The following ZNF385D variants were observed in gnomAD, a reference collection of about 807,000 sequenced individuals.
ZNF385D encodes the protein zinc finger protein 385D.
ZNF385D carries 15 observed loss-of-function variants against 35.8 expected under a neutral mutation model. That is an observed-to-expected ratio of 0.42 (90% CI 0.28 to 0.64). The LOEUF is 0.64. ZNF385D is among the 30% of genes least tolerant of loss of function. The probability of loss-of-function intolerance (pLI) is 0.23; values close to 1 mark genes in which losing one functional copy is unlikely to be tolerated. For missense variants in ZNF385D, 474 were observed against 494.6 expected (o/e 0.96, Z 0.39); for synonymous variants, 212 against 186.8 (o/e 1.13, Z -1.10).
At chr3:21,437,664 TA>T (rs1701628507) in intron 4 of ZNF385D, among the ~76,000 whole-genome samples, 1 of 107,780 alleles carries the variant, frequency 9.3e-6, no homozygotes, top group African/African-American at 3.7e-5. Context: ...TTTTTTTAAT[TA>T]AAAAACAGGT....
intron 2 of ZNF385D, among the ~76,000 whole-genome samples, chr3:21,610,777 C>CA (rs376368993): frequency 0.22 from 32,076 of 147,992 alleles, 3,592 homozygotes; most frequent in South Asian, 0.28. Context: ...TCCGTCCCCC[C>CA]CAAAAAAAAA....
intron 3 of ZNF385D, among the ~76,000 whole-genome samples, chr3:21,814,219 C>A (rs2073053015): frequency 6.6e-6 from 1 of 152,190 alleles, no homozygotes; most frequent in African/African-American, 2.4e-5. Flanking sequence ...TGGAAAGGAA[C>A]AACTGGTACC....
chr3:22,142,607 C>T (rs958383856), intron 3 of ZNF385D, among the ~76,000 whole-genome samples: 3 of 152,020 alleles, frequency 2.0e-5, no homozygotes, highest in South Asian at 2.1e-4. Flanking sequence ...GAAACATATC[C>T]GCACAGATTG....
At chr3:22,296,152 G>A (rs183876673) in intron 2 of ZNF385D, among the ~76,000 whole-genome samples, 1 of 152,136 alleles carries the variant, frequency 6.6e-6, no homozygotes, top group Non-Finnish European at 1.5e-5. Context: ...ACTCACTCCA[G>A]ATAACACTTT....
chr3:21,568,936 T>C (rs1220395344), intron 2 of ZNF385D, among the ~76,000 whole-genome samples: 4 of 152,182 alleles, frequency 2.6e-5, no homozygotes, highest in African/African-American at 9.7e-5. Context: ...AAAATCTGCA[T>C]GGTATTTTAG....
chr3:22,202,444 A>T (rs1696860385), intron 2 of ZNF385D, among the ~76,000 whole-genome samples: 6 of 152,058 alleles, frequency 3.9e-5, no homozygotes, highest in Admixed American at 3.9e-4. Context: ...GGAGGTGAGT[A>T]ACAACAGGGT....
chr3:21,849,676 A>G (rs1311203954), intron 3 of ZNF385D: 2 of 141,584 alleles, frequency 1.4e-5, no homozygotes, highest in South Asian at 2.2e-4. Context: ...AATCACTCTC[A>G]TATCTTCTAA....
chr3:21,969,907 T>C (rs1205521324), intron 3 of ZNF385D, among the ~76,000 whole-genome samples: 1 of 151,980 alleles, frequency 6.6e-6, no homozygotes. Context: ...AGAACAAGAG[T>C]CTCTGCCTGG....
chr3:22,287,054 C>T (rs1702061274), intron 2 of ZNF385D, among the ~76,000 whole-genome samples: 1 of 151,966 alleles, frequency 6.6e-6, no homozygotes, highest in East Asian at 1.9e-4. Flanking sequence ...TTTATGTGCT[C>T]TGATGTTGGG....
At chr3:21,991,332 A>T (rs1161818237) in intron 3 of ZNF385D, among the ~76,000 whole-genome samples, 2 of 152,192 alleles carry the variant, frequency 1.3e-5, no homozygotes, top group Non-Finnish European at 2.9e-5. Context: ...CTAAAACAAG[A>T]GCCAAAATCA....
At chr3:21,866,142 T>C (rs1047278797) in intron 3 of ZNF385D, among the ~76,000 whole-genome samples, 2 of 151,866 alleles carry the variant, frequency 1.3e-5, no homozygotes, top group South Asian at 2.1e-4. Flanking sequence ...ATTTTGATTT[T>C]ATAAATCTGG....
chr3:21,655,780 A>T (rs2125233496), intron 2 of ZNF385D, among the ~76,000 whole-genome samples: 1 of 152,198 alleles, frequency 6.6e-6, no homozygotes, highest in Admixed American at 6.5e-5. Context: ...AAGGAATCTG[A>T]AATCTAGCCA....
chr3:21,970,344 T>G (rs1334719182), intron 3 of ZNF385D, among the ~76,000 whole-genome samples: 1 of 152,062 alleles, frequency 6.6e-6, no homozygotes, highest in Non-Finnish European at 1.5e-5. Context: ...AGAATCCTAT[T>G]AGATAAACTT....
chr3:22,224,524 T>C (rs903206456), intron 2 of ZNF385D, among the ~76,000 whole-genome samples: 4 of 152,124 alleles, frequency 2.6e-5, no homozygotes, highest in Non-Finnish European at 5.9e-5. Flanking sequence ...ACAGTGTATA[T>C]TAAACAAAAC....
chr3:22,351,439 T>C (rs1695911959), intron 2 of ZNF385D, among the ~76,000 whole-genome samples: 1 of 152,072 alleles, frequency 6.6e-6, no homozygotes, highest in South Asian at 2.1e-4. Flanking sequence ...TAATAAAAGT[T>C]AACAAGCATA....
intron 3 of ZNF385D, among the ~76,000 whole-genome samples, chr3:21,518,869 AT>A (rs1279042157): frequency 4.6e-5 from 7 of 152,204 alleles, no homozygotes; most frequent in Non-Finnish European, 8.8e-5. Flanking sequence ...AGATATATTT[AT>A]TTCTTAATTA....
intron 3 of ZNF385D, among the ~76,000 whole-genome samples, chr3:21,795,119 G>A (rs1347452296): frequency 6.6e-6 from 1 of 152,194 alleles, no homozygotes; most frequent in Non-Finnish European, 1.5e-5. Context: ...TTAAGTTAGA[G>A]TGTTCCAGCC....
Position 22,313,312 on chromosome 3 carries a change from A to C in ZNF385D, c.106+59138T>G, listed in dbSNP as rs1027019653. 1.2e-4 allele frequency among the ~76,000 whole-genome samples: 18 copies of C among 151,834 alleles called. No homozygotes were observed. The East Asian group carries it at 2.2e-3, about 18-fold the overall frequency. On this transcript the variant is annotated intron_variant, in intron 2 of 5. Transcript: ENST00000494108. The stretch of plus-strand genomic sequence containing the variant: ...ATACCTAATGCTAAATGACGAGTTA[A>C]TGGGTGCAGCACACCAACATGGCAC...
chr3:21,569,079 C>T lies in ZNF385D; in HGVS notation c.166-4395G>A, dbSNP rs879489945. Among the ~76,000 whole-genome samples, 56 of 152,082 alleles carry T rather than the reference C, an allele frequency of 3.7e-4. No individual in the cohort carries two copies. The South Asian group carries it at 4.4e-3, about 12-fold the overall frequency. On this transcript the variant is annotated intron_variant, in intron 2 of 7. Transcript: ENST00000281523. ...GAGGTCTGTAGATGTCTATTAGGTC[C>T]GCTTGGTGCAGAGCTGAGTTCAATT...
Sources: gnomAD v4.1 joint callset for allele counts (sites outside exome capture counted in the v4.1 genomes callset) on GRCh38, gnomAD v4.1.1 for gene constraint, MANE v1.5 for transcripts, NCBI Gene and HGNC (gene_info 2026-07-23, HGNC 2026-07-21) for gene names.